KRTCAP2: variants seen among roughly 807,000 people sequenced by gnomAD.
KRTCAP2 encodes keratinocyte associated protein 2, also known as dolichyl-diphosphooligosaccharide--protein glycosyltransferase subunit KCP2.
Under a neutral mutation model 16.5 loss-of-function variants are expected in KRTCAP2, and 10 were observed. The observed-to-expected ratio is 0.60, with a 90% CI of 0.37 to 1.02. The LOEUF is 1.02. Ranked by LOEUF, KRTCAP2 falls within the 50% of genes least tolerant of loss-of-function variation. KRTCAP2 has a pLI of 0.01. For synonymous variants in KRTCAP2, 68 were observed against 69.8 expected, an observed-to-expected ratio of 0.97 and a Z score of 0.13; for missense variants, 152 against 159.6, an observed-to-expected ratio of 0.95 and a Z score of 0.26.
chr1:155,173,292 G>C lies in KRTCAP2; in HGVS notation c.-68C>G. On this transcript the variant is annotated 5_prime_UTR_variant, in exon 1 of 5. Transcript: ENST00000295682. The stretch of plus-strand genomic sequence containing the variant: ...AGGCGAGCTGAACCGGGTGCGGTTA[G>C]CTATGCGCATGCGTCAGCGCTTACC... 1 of 1,613,898 alleles carries C rather than the reference G, an allele frequency of 6.2e-7. No homozygotes were observed. Among genetic ancestry groups the C allele is most frequent in the Non-Finnish European group, 8.5e-7 (1 of 1,179,878 alleles).
rs749241604 is a variant in KRTCAP2, at chr1:155,172,899, G to T, written c.5-7C>A. The stretch of plus-strand genomic sequence containing the variant: ...GAGGTGCCCGTACCCACCACTGGAG[G>T]GGATGGGAGAAGGGACGGAGAGTCA... On this transcript the variant is annotated splice_polypyrimidine_tract_variant and splice_region_variant and intron_variant, in intron 1 of 4. Coordinates refer to ENST00000295682, the MANE Select transcript of KRTCAP2 (RefSeq NM_173852.4). The T allele has an allele frequency of 1.2e-6, 2 of 1,613,548 alleles. No individual in the cohort carries two copies. The highest frequency in any genetic ancestry group is 2.7e-5 in the African/African-American group (2 of 74,922).
chr1:155,170,637 C>T (rs115382727), intron 3 of KRTCAP2: 53 of 152,328 alleles, frequency 3.5e-4, no homozygotes, highest in African/African-American at 1.3e-3. Flanking sequence ...CTTGGATCTA[C>T]TTCTTCATGG....
At position 155,172,852 on chromosome 1, in the gene KRTCAP2, C is replaced by G. The variant is rs373294163; in HGVS notation, c.45G>C (p.Leu15=). Reference sequence around the variant, plus strand: ...GCATCCCAGCAAAGAGCAGCAGGGACAGGAGGGAGGAGAGCGCCAGCGAGG... The same window carrying G: ...GCATCCCAGCAAAGAGCAGCAGGGAGAGGAGGGAGGAGAGCGCCAGCGAGG... ...TGTSLALSSL[L]SLLLFAGMQM... Residue 15 remains leucine (L), a synonymous_variant, in exon 2 of 5, where the codon CTG becomes CTC. Coordinates refer to ENST00000295682, the MANE Select transcript of KRTCAP2 (RefSeq NM_173852.4). The G allele has an allele frequency of 1.2e-6, 2 of 1,614,072 alleles. No homozygotes were observed. Among genetic ancestry groups the G allele is most frequent in the African/African-American group, 2.7e-5 (2 of 74,920 alleles).
chr1:155,171,883 G>A (rs1006486233), intron 3 of KRTCAP2: 144 of 963,890 alleles, frequency 1.5e-4, no homozygotes, highest in Middle Eastern at 5.3e-4. Context: ...AAAAGATTAA[G>A]GGCAACCATG....
At chr1:155,171,438 A>T in intron 3 of KRTCAP2, 1 of 982,668 alleles carries the variant, frequency 1.0e-6, no homozygotes, top group Non-Finnish European at 1.2e-6. Context: ...AAAAAAAAGA[A>T]GCAAGTGAAG....
Position 155,172,821 on chromosome 1 carries a change from A to T in KRTCAP2, c.76T>A (p.Tyr26Asn). The T allele has an allele frequency of 6.2e-7, 1 of 1,614,242 alleles. No homozygotes were observed. The highest frequency in any genetic ancestry group is 8.5e-7 in the Non-Finnish European group (1 of 1,180,034). The change falls in exon 2 of 5, where the codon TAC becomes AAC. Residue 26 changes from tyrosine to asparagine, a missense_variant. Coordinates refer to ENST00000295682, the MANE Select transcript of KRTCAP2 (RefSeq NM_173852.4). ...SLLLFAGMQM[Y>N]SRQLASTEWL... ...TCGGTGGAGGCCAGCTGACGGCTGT[A>T]CATCTGCATCCCAGCAAAGAGCAGC...
Position 155,172,899 on chromosome 1 carries a change from G to A in KRTCAP2, c.5-7C>T, listed in dbSNP as rs749241604. ...GAGGTGCCCGTACCCACCACTGGAG[G>A]GGATGGGAGAAGGGACGGAGAGTCA... On this transcript the variant is annotated splice_polypyrimidine_tract_variant and splice_region_variant and intron_variant, in intron 1 of 4. Coordinates refer to ENST00000295682, the MANE Select transcript of KRTCAP2 (RefSeq NM_173852.4). The A allele has an allele frequency of 1.4e-5, 22 of 1,613,548 alleles. No homozygotes were observed. Among genetic ancestry groups the A allele is most frequent in the East Asian group, 2.2e-5 (1 of 44,892 alleles).
intron 3 of KRTCAP2, chr1:155,171,930 A>T (rs1665264587): frequency 1.0e-6 from 1 of 985,544 alleles, no homozygotes; most frequent in African/African-American, 1.8e-5. Flanking sequence ...GTTTTACATG[A>T]GATTGCATCT....
intron 3 of KRTCAP2, chr1:155,172,320 A>T: frequency 7.3e-7 from 1 of 1,364,518 alleles, no homozygotes; most frequent in Non-Finnish European, 9.5e-7. Context: ...TGTTCCCCTC[A>T]AACCTTCCCT....
chr1:155,173,069 C>A (rs1309010086), intron 1 of KRTCAP2, 152 bp downstream of exon 1: 5 of 937,256 alleles, frequency 5.3e-6, no homozygotes, highest in Non-Finnish European at 8.2e-6. Context: ...TTCCCCAGCC[C>A]CGGACACCCC....
chr1:155,172,299 C>A (rs1260649464), intron 3 of KRTCAP2: 1 of 1,319,728 alleles, frequency 7.6e-7, no homozygotes. Context: ...AAACATCAGC[C>A]CAAATTTGCC....
chr1:155,169,441 C>A lies in KRTCAP2; in HGVS notation c.410G>T (p.Ter137LeuextTer2). The A allele has an allele frequency of 1.2e-6, 2 of 1,613,822 alleles. No homozygotes were observed. Among genetic ancestry groups the A allele is most frequent in the South Asian group, 2.2e-5 (2 of 90,972 alleles). ...KVTGKSKKRN* is the reference protein window; with the variant it reads ...KVTGKSKKRNL ...ATCAACTTTATTGAACATTCAGGGT[C>A]AGTTTCTCTTCTTGCTCTTGCCTGT... The change falls in exon 5 of 5, where the codon TGA becomes TTA. Residue 137 changes from the stop codon to leucine, a stop_lost. Transcript: ENST00000295682.
At chr1:155,172,983 G>T in intron 1 of KRTCAP2, 91 bp from the exon 2 acceptor site, 3 of 1,387,504 alleles carry the variant, frequency 2.2e-6, no homozygotes, top group East Asian at 2.4e-5. Flanking sequence ...AGCTCGGTGG[G>T]CCGACCCCCT....
In KRTCAP2 at chr1:155,173,210, G is replaced by A. The variant is rs776750626; in HGVS notation, c.4+11C>T. The A allele has an allele frequency of 8.1e-6, 13 of 1,612,270 alleles. No homozygotes were observed. Among genetic ancestry groups the A allele is most frequent in the South Asian group, 5.5e-5 (5 of 90,970 alleles). ...TCTAGGACTTCCTGGGGACCCCACC[G>A]GTCCTGTTACCCATCATGCCCCGCC... is the stretch of plus-strand genomic sequence containing the variant. On this transcript the variant is annotated intron_variant, in intron 1 of 4. Coordinates refer to ENST00000295682, the MANE Select transcript of KRTCAP2 (RefSeq NM_173852.4).
chr1:155,173,029 C>T, intron 1 of KRTCAP2, 137 bp from the exon 2 acceptor site: 2 of 1,019,964 alleles, frequency 2.0e-6, no homozygotes, highest in Non-Finnish European at 2.9e-6. Context: ...CACGCCCCAA[C>T]TCCCCACACC....
At chr1:155,170,855 C>G (rs1459069294) in intron 3 of KRTCAP2, 3 of 152,142 alleles carry the variant, frequency 2.0e-5, no homozygotes, top group African/African-American at 7.2e-5. Context: ...GTCGCCCAGG[C>G]TGGAGTGCAG....
intron 3 of KRTCAP2, chr1:155,171,698 A>G: frequency 1.7e-6 from 1 of 603,186 alleles, no homozygotes; most frequent in Non-Finnish European, 2.1e-6. Flanking sequence ...TCTCTACAAA[A>G]ACTTAAAACA....
intron 1 of KRTCAP2, 94 bp downstream of exon 1, chr1:155,173,127 C>A: frequency 8.5e-7 from 1 of 1,177,102 alleles, no homozygotes; most frequent in Non-Finnish European, 1.2e-6. Flanking sequence ...GAACCCAGGA[C>A]ACGTCAGCTC....
chr1:155,173,158 A>G (rs1665329885), intron 1 of KRTCAP2, 63 bp downstream of exon 1: 9 of 1,392,838 alleles, frequency 6.5e-6, no homozygotes, highest in Non-Finnish European at 9.1e-6. Flanking sequence ...GGACGAGGAA[A>G]GCTTGTCCAC....
Sources: allele counts gnomAD v4.1 joint callset, GRCh38; gene constraint gnomAD v4.1.1; transcripts MANE v1.5; gene names NCBI Gene and HGNC (gene_info 2026-07-23, HGNC 2026-07-21).